CTH: variants seen among roughly 807,000 people sequenced by gnomAD.
The protein encoded by CTH is cystathionine gamma-lyase.
In CTH, 41 loss-of-function variants were observed where a neutral mutation model predicts 50.6. The observed-to-expected ratio is 0.81, with a 90% CI of 0.63 to 1.05. CTH has a LOEUF of 1.05. CTH is among the 50% of genes least tolerant of loss of function. The pLI is 0.00. For synonymous variants in CTH, 156 were observed against 168.9 expected, an observed-to-expected ratio of 0.92 and a Z score of 0.59; for missense variants, 470 against 492.6, an observed-to-expected ratio of 0.95 and a Z score of 0.43.
intron 3 of CTH, 57 bp downstream of exon 3, chr1:70,418,089 G>C: frequency 1.3e-6 from 2 of 1,578,702 alleles, no homozygotes; most frequent in Non-Finnish European, 1.7e-6. Context: ...ATAATAAAGT[G>C]AGCCCTGAAT....
chr1:70,415,412 A>C (rs1457308757), intron 1 of CTH, among the ~76,000 whole-genome samples: 2 of 152,152 alleles, frequency 1.3e-5, no homozygotes, highest in East Asian at 3.8e-4. Flanking sequence ...CTTAAAAAAA[A>C]AAACTTGTAT....
intron 9 of CTH, chr1:70,434,746 AT>A (rs35606808): frequency 5.8e-3 from 766 of 131,520 alleles, no homozygotes; most frequent in South Asian, 0.018. Context: ...AAATGCAATA[AT>A]TTTTTTTTTT....
chr1:70,433,702 G>A (rs1187355228), intron 8 of CTH, 126 bp from the exon 9 acceptor site: 2 of 1,434,084 alleles, frequency 1.4e-6, no homozygotes, highest in Non-Finnish European at 1.9e-6. Context: ...AGTCAGATGT[G>A]AGCATGGCAT....
intron 3 of CTH, among the ~76,000 whole-genome samples, chr1:70,418,300 A>C (rs1237560816): frequency 1.3e-5 from 2 of 152,066 alleles, no homozygotes; most frequent in East Asian, 3.8e-4. Flanking sequence ...CCCGGGTTGG[A>C]GTGGAGTGGT....
chr1:70,421,330 G>A lies in CTH; in HGVS notation c.347-236G>A, dbSNP rs571261146. ...TTTTGAAAAACATTATTTGCTTCAT[G>A]CTACTTTTGGATCTCAAGTGTGTTT... On this transcript the variant is annotated intron_variant, in intron 3 of 11. Transcript: ENST00000370938. 9.7e-4 allele frequency among the ~76,000 whole-genome samples: 148 copies of A among 152,270 alleles called. 1 individual carries two copies. In the South Asian group the frequency reaches 0.01, roughly 11 times the overall value.
chr1:70,420,212 A>G (rs1831869), intron 3 of CTH, among the ~76,000 whole-genome samples: 3,480 of 152,008 alleles, frequency 0.023, 137 homozygotes, highest in African/African-American at 0.079. Flanking sequence ...GGCTGGTCTC[A>G]AACTCCCGAC....
chr1:70,421,500 A>C (rs6413471), intron 3 of CTH, 66 bp from the exon 4 acceptor site: 93,535 of 1,515,282 alleles, frequency 0.062, 3,052 homozygotes, highest in Middle Eastern at 0.069. Flanking sequence ...GTGTTTATAC[A>C]TAGAAGGAAT....
chr1:70,418,440 G>A (rs909916159), intron 3 of CTH, among the ~76,000 whole-genome samples: 2 of 152,080 alleles, frequency 1.3e-5, no homozygotes, highest in African/African-American at 4.8e-5. Flanking sequence ...TGTAGAGACG[G>A]GGTTTCGTTG....
At chr1:70,438,264 G>T (rs879303481) in intron 10 of CTH, among the ~76,000 whole-genome samples, 8 of 152,142 alleles carry the variant, frequency 5.3e-5, no homozygotes, top group Admixed American at 1.3e-4. Flanking sequence ...TGATTCAGAG[G>T]AAACTAATTA....
chr1:70,417,373 C>T (rs1296884572), intron 2 of CTH, among the ~76,000 whole-genome samples: 1 of 152,072 alleles, frequency 6.6e-6, no homozygotes, highest in Non-Finnish European at 1.5e-5. Context: ...CAACCTCCAC[C>T]TCCTGGGTTC....
chr1:70,418,801 A>G (rs1684151182), intron 3 of CTH, among the ~76,000 whole-genome samples: 1 of 152,106 alleles, frequency 6.6e-6, no homozygotes, highest in Admixed American at 6.5e-5. Context: ...GTTGAGAGAT[A>G]TGGGCCTCTT....
chr1:70,419,471 C>A (rs955413920), intron 3 of CTH, among the ~76,000 whole-genome samples: 3 of 152,188 alleles, frequency 2.0e-5, no homozygotes, highest in African/African-American at 4.8e-5. Flanking sequence ...TTCTCCACAA[C>A]CTCTCCAGCA....
intron 8 of CTH, among the ~76,000 whole-genome samples, 200 bp from the exon 9 acceptor site, chr1:70,433,628 A>C (rs781646480): frequency 2.6e-5 from 4 of 152,190 alleles, no homozygotes; most frequent in Admixed American, 6.5e-5. Flanking sequence ...TGGCATAAAG[A>C]AAGCTGAAGA....
chr1:70,412,495 G>A (rs1401824927), intron 1 of CTH, among the ~76,000 whole-genome samples: 1 of 152,192 alleles, frequency 6.6e-6, no homozygotes, highest in African/African-American at 2.4e-5. Flanking sequence ...AGCTACTCGG[G>A]AAGCTGAGGC....
intron 5 of CTH, among the ~76,000 whole-genome samples, chr1:70,425,095 A>T (rs751286825): frequency 6.2e-4 from 95 of 152,162 alleles, no homozygotes; most frequent in Non-Finnish European, 8.1e-4. Context: ...TTTTATATAT[A>T]TTCTAAAAGA....
rs1684682673 is a variant in CTH, at chr1:70,439,756, A to G, written c.*629A>G. On this transcript the variant is annotated 3_prime_UTR_variant, in exon 12 of 12. Coordinates refer to ENST00000370938, the MANE Select transcript of CTH (RefSeq NM_001902.6). ...TCAGGAGATTGAGACCATCCTGGCT[A>G]GCGCAGTGAAACCCCCATCTCTACT... 1 of 152,664 alleles carries G rather than the reference A, an allele frequency of 6.6e-6. No individual in the cohort carries two copies. The highest frequency in any genetic ancestry group is 1.5e-5 in the Non-Finnish European group (1 of 68,438). The allele number at this position is 152,664 out of a possible 1,614,324, so 9.5% of individuals were successfully genotyped here. A position where few individuals can be genotyped will look rare whatever the true frequency, so the allele number is the denominator to read the frequency against.
intron 5 of CTH, among the ~76,000 whole-genome samples, chr1:70,428,586 C>A (rs1684397757): frequency 7.8e-6 from 1 of 127,622 alleles, no homozygotes; most frequent in South Asian, 2.8e-4. Context: ...CTTAATTCTC[C>A]CAGTTTCAGA....
At chr1:70,418,519 G>C (rs1301239812) in intron 3 of CTH, among the ~76,000 whole-genome samples, 1 of 152,152 alleles carries the variant, frequency 6.6e-6, no homozygotes, top group East Asian at 1.9e-4. Context: ...CAAAGTTTTG[G>C]AATTACGGGC....
At chr1:70,424,169 T>A in intron 4 of CTH, 116 bp from the exon 5 acceptor site, 1 of 1,574,342 alleles carries the variant, frequency 6.4e-7, no homozygotes, top group Non-Finnish European at 8.7e-7. Context: ...CCTCCCAACA[T>A]CATCATCCAT....
Sources: allele counts gnomAD v4.1 joint callset (sites outside exome capture counted in the v4.1 genomes callset), GRCh38; gene constraint gnomAD v4.1.1; transcripts MANE v1.5; gene names NCBI Gene and HGNC (gene_info 2026-07-23, HGNC 2026-07-21).